SORL1: variants seen among roughly 807,000 people sequenced by gnomAD.
SORL1 encodes sortilin related receptor 1, also known as sortilin-related receptor.
A neutral mutation model predicts 273.7 loss-of-function variants in SORL1; 127 were observed. The ratio of observed to expected loss-of-function variants is 0.46; its 90% CI spans 0.40 to 0.54. SORL1 has a LOEUF of 0.54. Ranked by LOEUF, SORL1 falls within the 20% of genes least tolerant of loss-of-function variation. The pLI is 0.00. For missense variants in SORL1, 2,494 were observed against 2,846.1 expected (o/e 0.88, Z 2.81); for synonymous variants, 1,031 against 1,067.4 (o/e 0.97, Z 0.66).
intron 12 of SORL1, among the ~76,000 whole-genome samples, chr11:121,533,027 T>C (rs1405709509): frequency 6.6e-6 from 1 of 152,148 alleles, no homozygotes; most frequent in African/African-American, 2.4e-5. Context: ...TAAGAACCTG[T>C]CCTTTCTATC....
chr11:121,562,060 C>T (rs1862685039), intron 21 of SORL1, among the ~76,000 whole-genome samples: 1 of 152,074 alleles, frequency 6.6e-6, no homozygotes, highest in Admixed American at 6.6e-5. Context: ...ACTGATAGGA[C>T]ACTTGCTTTT....
At chr11:121,622,112 T>A (rs1193962313) in intron 44 of SORL1, 50 bp from the exon 45 acceptor site, 1 of 1,014,514 alleles carries the variant, frequency 9.9e-7, no homozygotes, top group African/African-American at 1.6e-5. Flanking sequence ...GAAAATAGAG[T>A]TTCAAATGTA....
intron 36 of SORL1, 90 bp from the exon 37 acceptor site, chr11:121,607,096 T>G: frequency 9.6e-7 from 1 of 1,037,582 alleles, no homozygotes; most frequent in Non-Finnish European, 1.5e-6. Context: ...CTCCTCACCA[T>G]CTTTTCTCTC....
chr11:121,587,742 G>C (rs970391093), intron 27 of SORL1, among the ~76,000 whole-genome samples: 1 of 152,144 alleles, frequency 6.6e-6, no homozygotes, highest in African/African-American at 2.4e-5. Context: ...TTCATCAGCT[G>C]TGTACTCTTG....
At chr11:121,576,714 C>A in intron 24 of SORL1, 1 of 1,429,746 alleles carries the variant, frequency 7.0e-7, no homozygotes, top group Non-Finnish European at 9.1e-7. Flanking sequence ...CAGGCCCCCA[C>A]CCTTCTAGAG....
chr11:121,590,653 C>T, intron 30 of SORL1: 1 of 612,010 alleles, frequency 1.6e-6, no homozygotes. Context: ...GTTGAATTAA[C>T]TAGAACACAA....
At chr11:121,514,815 T>G (rs1005628039) in intron 8 of SORL1, among the ~76,000 whole-genome samples, 1 of 152,142 alleles carries the variant, frequency 6.6e-6, no homozygotes, top group African/African-American at 2.4e-5. Flanking sequence ...AAATCATGTG[T>G]TTAGAGCTGT....
At chr11:121,538,853 A>G (rs1862306348) in intron 12 of SORL1, among the ~76,000 whole-genome samples, 1 of 151,676 alleles carries the variant, frequency 6.6e-6, no homozygotes, top group Non-Finnish European at 1.5e-5. Flanking sequence ...TAATTTTTAT[A>G]TTTTTAGTAG....
chr11:121,528,591 C>T (rs1379992813), intron 11 of SORL1, among the ~76,000 whole-genome samples: 1 of 152,190 alleles, frequency 6.6e-6, no homozygotes, highest in African/African-American at 2.4e-5. Flanking sequence ...ACATTTTCAT[C>T]AATCCATAAA....
chr11:121,611,536 CT>C (rs1454869154), intron 39 of SORL1: 1 of 159,964 alleles, frequency 6.3e-6, no homozygotes, highest in Non-Finnish European at 1.4e-5. Context: ...GAACAACCTT[CT>C]TGTGGGAGAG....
rs368785359 is a variant in SORL1 at position 121,559,500 on chromosome 11, G to A, written c.2911-19G>A. 1.9e-6 allele frequency: 3 copies of A among 1,610,412 alleles called. No individual in the cohort carries two copies. Among genetic ancestry groups the A allele is most frequent in the African/African-American group, 2.7e-5 (2 of 74,612 alleles). ...AAGAACGAAAGAGCTGGACTAATGGGCAAAGGTTTTCTTTTTAGAATGAAA... is the reference window on the plus strand; with the variant it reads ...AAGAACGAAAGAGCTGGACTAATGGACAAAGGTTTTCTTTTTAGAATGAAA... On this transcript the variant is annotated intron_variant, in intron 20 of 47. Transcript: ENST00000260197.
At chr11:121,515,611 G>A (rs902857379) in intron 8 of SORL1, among the ~76,000 whole-genome samples, 3 of 152,084 alleles carry the variant, frequency 2.0e-5, no homozygotes, top group Admixed American at 6.6e-5. Context: ...GGCCTTCAGG[G>A]GCTTGTGAAG....
chr11:121,611,155 C>T lies in SORL1; in HGVS notation c.5319C>T (p.Ile1773=). 6.2e-7 allele frequency: 1 copy of T among 1,604,066 alleles called. No homozygotes were observed. The highest frequency in any genetic ancestry group is 8.5e-7 in the Non-Finnish European group (1 of 1,171,246). ...TCACCCTGACCATGGAGAGTGATAT[C>T]AAGGTAATGTGGGAATTTCAAGCCA... The part of the protein sequence containing the change: ...LSFTLTMESD[I]KVNGYVVNLF... Residue 1773 remains isoleucine, a synonymous_variant, in exon 39 of 48, where the codon ATC becomes ATT. Coordinates refer to ENST00000260197, the MANE Select transcript of SORL1 (RefSeq NM_003105.6).
chr11:121,479,814 C>T (rs1861343876), intron 3 of SORL1, among the ~76,000 whole-genome samples: 3 of 152,192 alleles, frequency 2.0e-5, no homozygotes, highest in East Asian at 1.9e-4. Flanking sequence ...GCCTGATGAT[C>T]TCAGAGTGGA....
At chr11:121,615,926 A>G (rs1216882036) in intron 41 of SORL1, among the ~76,000 whole-genome samples, 3 of 152,170 alleles carry the variant, frequency 2.0e-5, no homozygotes, top group Admixed American at 6.5e-5. Context: ...AGTGAGGCGA[A>G]GTAACTTGCC....
At position 121,579,423 on chromosome 11, in the gene SORL1, G is replaced by A. The variant is rs1486304617; in HGVS notation, c.3580+2023G>A. Among the ~76,000 whole-genome samples the A allele has an allele frequency of 2.6e-5, 4 of 152,246 alleles. No individual in the cohort carries two copies. In the South Asian group the frequency reaches 6.2e-4, roughly 24 times the overall value. ...CTGACCTCCTGTTGGCATCAGCTTG[G>A]ATGCGCACTCTGCTGTGCGTCCTCT... On this transcript the variant is annotated intron_variant, in intron 25 of 47. Transcript: ENST00000260197.
At chr11:121,460,532 A>G (rs1860981566) in intron 1 of SORL1, among the ~76,000 whole-genome samples, 1 of 150,900 alleles carries the variant, frequency 6.6e-6, no homozygotes, top group African/African-American at 2.4e-5. Context: ...AGTAGCTGGG[A>G]TTACAGGTGC....
At chr11:121,492,348 A>G (rs1251437816) in intron 5 of SORL1, among the ~76,000 whole-genome samples, 3 of 152,096 alleles carry the variant, frequency 2.0e-5, no homozygotes, top group African/African-American at 7.2e-5. Context: ...GCGACAGACC[A>G]AGACACTGTC....
intron 28 of SORL1, 32 bp from the exon 29 acceptor site, chr11:121,589,227 C>G (rs1314057936): frequency 6.2e-7 from 1 of 1,610,710 alleles, no homozygotes; most frequent in Non-Finnish European, 8.5e-7. Flanking sequence ...ATGGAAGTTC[C>G]TGGACTTCAT....
Sources: gnomAD v4.1 joint callset for allele counts (sites outside exome capture counted in the v4.1 genomes callset) on GRCh38, gnomAD v4.1.1 for gene constraint, MANE v1.5 for transcripts, NCBI Gene and HGNC (gene_info 2026-07-23, HGNC 2026-07-21) for gene names.